Variants in CSGALNACT1 observed in about 807,000 individuals in gnomAD.
CSGALNACT1 encodes the protein chondroitin sulfate N-acetylgalactosaminyltransferase 1, also known as beta4GalNAcT-1.
A neutral mutation model predicts 51.0 loss-of-function variants in CSGALNACT1; 52 were observed. The ratio of observed to expected loss-of-function variants is 1.02; its 90% CI spans 0.82 to 1.29. CSGALNACT1 has a LOEUF of 1.29. Among genes scored for constraint, CSGALNACT1 ranks in the 50% most tolerant of loss-of-function variants. The probability of loss-of-function intolerance (pLI) is 0.00; values close to 1 mark genes in which losing one functional copy is unlikely to be tolerated. For missense variants in CSGALNACT1, 935 were observed against 679.2 expected (o/e 1.38, Z -4.19); for synonymous variants, 341 against 254.4 (o/e 1.34, Z -3.24).
At chr8:19,482,671 A>G (rs376453365) in intron 4 of CSGALNACT1, among the ~76,000 whole-genome samples, 113 of 152,198 alleles carry the variant, frequency 7.4e-4, no homozygotes, top group South Asian at 2.3e-3. Context: ...TGCCTATAAC[A>G]TAATTGTGGG....
At chr8:19,434,955 C>T (rs1270931992) in intron 6 of CSGALNACT1, among the ~76,000 whole-genome samples, 1 of 152,062 alleles carries the variant, frequency 6.6e-6, no homozygotes, top group Admixed American at 6.6e-5. Flanking sequence ...TCTGTCAAAT[C>T]ATTTGAAAGA....
intron 1 of CSGALNACT1, among the ~76,000 whole-genome samples, chr8:19,706,391 C>A (rs746357861): frequency 6.6e-6 from 1 of 152,148 alleles, no homozygotes; most frequent in African/African-American, 2.4e-5. Flanking sequence ...AAAACTGCGG[C>A]GGAGGCTGGG....
chr8:19,596,924 C>T (rs1205327519), intron 2 of CSGALNACT1, among the ~76,000 whole-genome samples: 1 of 152,220 alleles, frequency 6.6e-6, no homozygotes, highest in African/African-American at 2.4e-5. Context: ...AATTCATTCA[C>T]TGTTATGCAA....
intron 1 of CSGALNACT1, among the ~76,000 whole-genome samples, chr8:19,641,372 T>A (rs2056731026): frequency 6.6e-6 from 1 of 152,068 alleles, no homozygotes; most frequent in Admixed American, 6.5e-5. Flanking sequence ...TTAATCTAGT[T>A]CAGAAGATGC....
chr8:19,594,824 T>C (rs912216568), intron 2 of CSGALNACT1, among the ~76,000 whole-genome samples: 1 of 152,122 alleles, frequency 6.6e-6, no homozygotes, highest in Non-Finnish European at 1.5e-5. Flanking sequence ...AGTGCAGGGA[T>C]TATAGGCATG....
chr8:19,726,109 T>A (rs950909313), intron 1 of CSGALNACT1, among the ~76,000 whole-genome samples: 1 of 152,212 alleles, frequency 6.6e-6, no homozygotes, highest in Non-Finnish European at 1.5e-5. Flanking sequence ...TTGAATTTCC[T>A]AACAAAATAC....
intron 1 of CSGALNACT1, among the ~76,000 whole-genome samples, chr8:19,661,430 T>TA (rs1471222366): frequency 1.3e-5 from 2 of 152,264 alleles, no homozygotes; most frequent in East Asian, 3.9e-4. Flanking sequence ...TAAATGAAGG[T>TA]AAAAACTCTC....
chr8:19,425,038 T>A (rs1379303523), intron 6 of CSGALNACT1, among the ~76,000 whole-genome samples: 1 of 152,204 alleles, frequency 6.6e-6, no homozygotes, highest in Non-Finnish European at 1.5e-5. Context: ...GCTTGAGAAC[T>A]GAGTCACCAA....
exon 7 of CSGALNACT1, chr8:19,420,377 A>C (rs372955387): frequency 2.5e-6 from 4 of 1,614,112 alleles, no homozygotes; most frequent in Non-Finnish European, 3.4e-6. Flanking sequence ...TGAGGAATTC[A>C]GATGTGAAGT....
chr8:19,628,879 A>G (rs2054822457), intron 1 of CSGALNACT1, among the ~76,000 whole-genome samples: 1 of 152,286 alleles, frequency 6.6e-6, no homozygotes, highest in African/African-American at 2.4e-5. Flanking sequence ...GAAAAAGAAC[A>G]CAAAAAGACA....
chr8:19,752,145 T>TGTAA (rs10679445), intron 1 of CSGALNACT1, among the ~76,000 whole-genome samples: 3 of 146,330 alleles, frequency 2.1e-5, no homozygotes, highest in African/African-American at 5.0e-5. Flanking sequence ...TTATATGATA[T>TGTAA]TATATGACAT....
chr8:19,605,441 A>C (rs2051235808), upstream of CSGALNACT1, among the ~76,000 whole-genome samples: 1 of 152,140 alleles, frequency 6.6e-6, no homozygotes, highest in East Asian at 1.9e-4. Context: ...GTCTCCAATA[A>C]ATAAATAATT....
chr8:19,716,612 C>CAAAA (rs60464594), intron 1 of CSGALNACT1, among the ~76,000 whole-genome samples: 1,293 of 41,952 alleles, frequency 0.031, 304 homozygotes, highest in East Asian at 0.071. Flanking sequence ...ACCCTCTCTA[C>CAAAA]AAAAAAAAAA....
intron 1 of CSGALNACT1, among the ~76,000 whole-genome samples, chr8:19,679,390 G>A (rs1202158777): frequency 1.3e-5 from 2 of 152,048 alleles, no homozygotes; most frequent in South Asian, 2.1e-4. Context: ...CAGGGAGGTC[G>A]AGGCTGCAAT....
intron 1 of CSGALNACT1, among the ~76,000 whole-genome samples, chr8:19,680,477 AC>A (rs1318616770): frequency 6.7e-6 from 1 of 149,210 alleles, no homozygotes; most frequent in Non-Finnish European, 1.5e-5. Flanking sequence ...AATCACTTGA[AC>A]CCAGGAGGTG....
chr8:19,489,014 C>T (rs748868131), intron 4 of CSGALNACT1, among the ~76,000 whole-genome samples: 2 of 151,978 alleles, frequency 1.3e-5, no homozygotes, highest in Non-Finnish European at 2.9e-5. Flanking sequence ...AACAACGGCC[C>T]CCATTTGAAG....
At chr8:19,621,586 G>C (rs1158044545) in intron 1 of CSGALNACT1, among the ~76,000 whole-genome samples, 1 of 152,070 alleles carries the variant, frequency 6.6e-6, no homozygotes, top group East Asian at 1.9e-4. Context: ...AGACCAGCCT[G>C]GGCAACGTGG....
intron 1 of CSGALNACT1, among the ~76,000 whole-genome samples, chr8:19,720,381 A>G (rs1460630258): frequency 6.6e-6 from 1 of 152,212 alleles, no homozygotes; most frequent in African/African-American, 2.4e-5. Context: ...CTGATGGACC[A>G]TGACAAGCAC....
chr8:19,619,251 G>T (rs188419280), intron 1 of CSGALNACT1, among the ~76,000 whole-genome samples: 1,593 of 149,006 alleles, frequency 0.011, 28 homozygotes, highest in African/African-American at 0.034. Flanking sequence ...ACAGGGTCGG[G>T]GGGGGGTGGG....
Sources: gnomAD v4.1 joint callset for allele counts (sites outside exome capture counted in the v4.1 genomes callset) on GRCh38, gnomAD v4.1.1 for gene constraint, MANE v1.5 for transcripts, NCBI Gene and HGNC (gene_info 2026-07-23, HGNC 2026-07-21) for gene names.